The following UBAC2 variants were observed in gnomAD, a reference collection of about 807,000 sequenced individuals.
UBAC2 encodes ubiquitin-associated domain-containing protein 2.
In UBAC2, 26 loss-of-function variants were observed where a neutral mutation model predicts 44.0. The observed-to-expected ratio is 0.59, with a 90% CI of 0.43 to 0.82. The LOEUF (loss-of-function observed/expected upper bound fraction) is 0.82. UBAC2 is among the 40% of genes least tolerant of loss of function. The pLI is 0.00. For missense variants in UBAC2, 329 were observed against 419.4 expected (o/e 0.78, Z 1.88); for synonymous variants, 155 against 154.3 (o/e 1.00, Z -0.04).
chr13:99,241,134 C>T (rs2043294104), intron 2 of UBAC2, among the ~76,000 whole-genome samples: 1 of 151,824 alleles, frequency 6.6e-6, no homozygotes, highest in Non-Finnish European at 1.5e-5. Flanking sequence ...TGTGGTGGTG[C>T]ACACCTGTAG....
chr13:99,302,690 G>A (rs1042553554), intron 4 of UBAC2, among the ~76,000 whole-genome samples: 1 of 152,182 alleles, frequency 6.6e-6, no homozygotes, highest in Admixed American at 6.5e-5. Context: ...TGGGAAACAT[G>A]CATTCCTGGT....
intron 6 of UBAC2, among the ~76,000 whole-genome samples, chr13:99,339,092 G>A (rs961891794): frequency 6.6e-6 from 1 of 151,676 alleles, no homozygotes; most frequent in Non-Finnish European, 1.5e-5. Context: ...TCCTTATCTC[G>A]ACCTTTTCCT....
At chr13:99,209,786 C>T (rs1261381187) in intron 1 of UBAC2, among the ~76,000 whole-genome samples, 1 of 152,114 alleles carries the variant, frequency 6.6e-6, no homozygotes, top group Non-Finnish European at 1.5e-5. Flanking sequence ...CCAGCCTGGC[C>T]AACATGGTGA....
chr13:99,384,070 C>T (rs2045587182), intron 8 of UBAC2, among the ~76,000 whole-genome samples: 1 of 152,202 alleles, frequency 6.6e-6, no homozygotes, highest in African/African-American at 2.4e-5. Flanking sequence ...CTCCAGCCAC[C>T]CCATGCCATA....
intron 6 of UBAC2, among the ~76,000 whole-genome samples, chr13:99,333,045 T>G (rs2138812336): frequency 6.6e-6 from 1 of 152,234 alleles, no homozygotes; most frequent in African/African-American, 2.4e-5. Flanking sequence ...GAAGATCACT[T>G]GAAGCCAGGA....
At position 99,276,530 on chromosome 13, in the gene UBAC2, C is replaced by T. The variant is rs73568003; in HGVS notation, c.389+31906C>T. Among the ~76,000 whole-genome samples, 1,001 of 152,350 alleles carry T rather than the reference C, an allele frequency of 6.6e-3. 14 individuals carry two copies. Among genetic ancestry groups the T allele is most frequent in the African/African-American group, 0.023 (954 of 41,580 alleles). Reference sequence around the variant, plus strand: ...GGTGGGTGAGAGTGCACGGAGCTCTCGTGCCTTCTGTGGGCACCCCACCCT... The same window carrying T: ...GGTGGGTGAGAGTGCACGGAGCTCTTGTGCCTTCTGTGGGCACCCCACCCT... On this transcript the variant is annotated intron_variant, in intron 4 of 8. Transcript: ENST00000403766.
intron 6 of UBAC2, among the ~76,000 whole-genome samples, chr13:99,331,861 C>A (rs77914076): frequency 1.3e-5 from 2 of 151,586 alleles, no homozygotes; most frequent in Admixed American, 1.3e-4. Context: ...CTGTTTTGCT[C>A]CTTACTATGT....
intron 4 of UBAC2, among the ~76,000 whole-genome samples, chr13:99,285,414 C>T (rs1313920608): frequency 2.0e-5 from 3 of 147,058 alleles, no homozygotes; most frequent in Non-Finnish European, 4.5e-5. Context: ...TTTTAAGAGA[C>T]AATTGTCTTG....
chr13:99,338,869 TAACTA>T (rs1482358875), intron 6 of UBAC2, among the ~76,000 whole-genome samples: 2 of 152,234 alleles, frequency 1.3e-5, no homozygotes, highest in Non-Finnish European at 2.9e-5. Context: ...GCTTCAGTGA[TAACTA>T]AACTCTATTT....
At chr13:99,342,984 C>T (rs1284922480) in intron 7 of UBAC2, among the ~76,000 whole-genome samples, 1 of 152,232 alleles carries the variant, frequency 6.6e-6, no homozygotes, top group African/African-American at 2.4e-5. Flanking sequence ...CTGTTTTCCC[C>T]TCTGTCACTT....
chr13:99,378,351 A>G (rs1440830139), intron 8 of UBAC2, among the ~76,000 whole-genome samples: 1 of 152,086 alleles, frequency 6.6e-6, no homozygotes, highest in Non-Finnish European at 1.5e-5. Flanking sequence ...ACATAGTGAA[A>G]CCCCATCTCT....
intron 6 of UBAC2, among the ~76,000 whole-genome samples, chr13:99,339,720 A>G (rs993400502): frequency 6.6e-6 from 1 of 152,108 alleles, no homozygotes; most frequent in Non-Finnish European, 1.5e-5. Context: ...CTGTAACCAT[A>G]CATTATAAAT....
chr13:99,316,418 GATGA>G (rs764363585), intron 5 of UBAC2, among the ~76,000 whole-genome samples: 21 of 148,528 alleles, frequency 1.4e-4, no homozygotes, highest in African/African-American at 2.9e-4. Flanking sequence ...TGAATGAATG[GATGA>G]ATGAATGAAT....
intron 7 of UBAC2, among the ~76,000 whole-genome samples, chr13:99,358,570 T>C (rs1259147172): frequency 1.3e-5 from 2 of 152,240 alleles, no homozygotes; most frequent in Non-Finnish European, 2.9e-5. Context: ...TAATGAGTTA[T>C]TAAATATTTT....
At chr13:99,318,635 A>G (rs1043044991) in intron 6 of UBAC2, among the ~76,000 whole-genome samples, 3 of 151,126 alleles carry the variant, frequency 2.0e-5, no homozygotes, top group Non-Finnish European at 3.0e-5. Context: ...CCTGGCTGAC[A>G]TGATGAAACC....
At chr13:99,257,163 G>C (rs2138632794) in intron 4 of UBAC2, among the ~76,000 whole-genome samples, 1 of 151,742 alleles carries the variant, frequency 6.6e-6, no homozygotes, top group South Asian at 2.1e-4. Flanking sequence ...TATGATTTAG[G>C]AGCATAATTC....
intron 1 of UBAC2, among the ~76,000 whole-genome samples, chr13:99,224,803 T>C (rs1457661709): frequency 6.6e-6 from 1 of 152,260 alleles, no homozygotes; most frequent in East Asian, 1.9e-4. Context: ...TGTGCATTGT[T>C]ATTCCCTAGA....
Position 99,347,329 on chromosome 13 carries a change from C to G in UBAC2, c.807+6764C>G, listed in dbSNP as rs1273298263. On this transcript the variant is annotated intron_variant, in intron 7 of 8. Transcript: ENST00000403766. Reference sequence around the variant, plus strand: ...TTACTATCCCCGGGCGCCCCCCCCCCCCCCCAGGAAAAAAAAGGCAAGTGA... The same window carrying G: ...TTACTATCCCCGGGCGCCCCCCCCCGCCCCCAGGAAAAAAAAGGCAAGTGA... Among the ~76,000 whole-genome samples the G allele has an allele frequency of 1.1e-3, 90 of 85,510 alleles. 18 individuals carry two copies. The South Asian group carries it at 0.028, about 27-fold the overall frequency. The allele number at this position is 85,510 out of a possible 152,430, so 56.1% of individuals were successfully genotyped here.
chr13:99,353,064 T>A (rs2045120612), intron 7 of UBAC2, among the ~76,000 whole-genome samples: 1 of 152,244 alleles, frequency 6.6e-6, no homozygotes, highest in Admixed American at 6.5e-5. Flanking sequence ...GCAATTTGAT[T>A]TGAAAACGAT....
Sources: gnomAD v4.1 joint callset for allele counts (sites outside exome capture counted in the v4.1 genomes callset) on GRCh38, gnomAD v4.1.1 for gene constraint, MANE v1.5 for transcripts, NCBI Gene and HGNC (gene_info 2026-07-23, HGNC 2026-07-21) for gene names.